The following INSIG2 variants were observed in gnomAD, a reference collection of about 807,000 sequenced individuals.
INSIG2 encodes insulin induced gene 2.
A neutral mutation model predicts 27.2 loss-of-function variants in INSIG2; 10 were observed. That is an observed-to-expected ratio of 0.37 (90% CI 0.23 to 0.62). The LOEUF (loss-of-function observed/expected upper bound fraction) is 0.62, where lower values mean the gene tolerates loss of function less well. Ranked by LOEUF, INSIG2 falls within the 20% of genes least tolerant of loss-of-function variation. The pLI is 0.65. For missense variants in INSIG2, 178 were observed against 270.2 expected (o/e 0.66, Z 2.39); for synonymous variants, 97 against 95.8 (o/e 1.01, Z -0.07).
rs1242930218 is a variant in INSIG2, at chr2:118,107,155, T to C, written c.602T>C (p.Ile201Thr). The C allele has an allele frequency of 2.5e-5, 40 of 1,613,390 alleles. No individual in the cohort carries two copies. The highest frequency in any genetic ancestry group is 3.3e-5 in the Non-Finnish European group (39 of 1,179,380). The change falls in exon 5 of 6, where the codon ATA becomes ACA. Residue 201 changes from isoleucine to threonine, a missense_variant. Physicochemically the swap from Ile to Thr is moderately conservative, Grantham distance 89. Coordinates refer to ENST00000245787, the MANE Select transcript of INSIG2 (RefSeq NM_016133.4). ...CCATGTATATTTTTTGCTGGAGGCA[T>C]AACAATGGGAAACATTGGTCGACAA... Reference protein sequence around the residue: ...WLPCIFFAGGITMGNIGRQLA... With the variant: ...WLPCIFFAGGTTMGNIGRQLA...
In INSIG2 at chr2:118,109,588, C is replaced by G. The variant is rs1239540786; in HGVS notation, c.*1266C>G. On this transcript the variant is annotated 3_prime_UTR_variant, in exon 6 of 6. Transcript: ENST00000245787. The stretch of plus-strand genomic sequence containing the variant: ...ACAAGGGCAAGATCTTCTGAGTACT[C>G]TGGGGTGTGAGTATGTGTGCACACG... The G allele has an allele frequency of 1.3e-5, 2 of 152,446 alleles. No homozygotes were observed. Among genetic ancestry groups the G allele is most frequent in the Non-Finnish European group, 2.9e-5 (2 of 68,000 alleles). The allele number at this position is 152,446 out of a possible 1,614,324, so 9.4% of individuals were successfully genotyped here. A position where few individuals can be genotyped will look rare whatever the true frequency, so the allele number is the denominator to read the frequency against.
At position 118,096,734 on chromosome 2, in the gene INSIG2, C is replaced by T. The variant is rs746239528; in HGVS notation, c.178C>T (p.Pro60Ser). The T allele has an allele frequency of 1.2e-6, 2 of 1,613,978 alleles. No individual in the cohort carries two copies. Among genetic ancestry groups the T allele is most frequent in the South Asian group, 2.2e-5 (2 of 91,070 alleles). ...TCAGAGAAATGTGACGCTCTTTCCA[C>T]CTGATGTGATTGCAAGCATCTTTTC... ...QIQRNVTLFPPDVIASIFSSA... is the reference protein window; with the variant it reads ...QIQRNVTLFPSDVIASIFSSA... Residue 60 changes from proline (P) to serine (S), a missense_variant, in exon 2 of 6, where the codon CCT becomes TCT. Pro to Ser is a moderately conservative substitution (Grantham distance 74, BLOSUM62 -1). Transcript: ENST00000245787.
intron 2 of INSIG2, among the ~76,000 whole-genome samples, chr2:118,101,090 A>T (rs991190655): frequency 2.6e-5 from 4 of 151,878 alleles, no homozygotes; most frequent in South Asian, 2.1e-4. Flanking sequence ...TGTTTTTTTT[A>T]AAAAAAAGTA....
Position 118,107,217 on chromosome 2 carries a change from A to G in INSIG2, c.636+28A>G, listed in dbSNP as rs774235019. ...AAGCTGATGCTCACTTTTCTGAATA[A>G]GATGTGGAACAAATGACAAGTTTTC... On this transcript the variant is annotated intron_variant, in intron 5 of 5. Coordinates refer to ENST00000245787, the MANE Select transcript of INSIG2 (RefSeq NM_016133.4). 7.4e-6 allele frequency: 11 copies of G among 1,482,174 alleles called. No homozygotes were observed. In the South Asian group the frequency reaches 1.3e-4, roughly 17 times the overall value. 91.8% of individuals were successfully genotyped at this position (1,482,174 alleles called of 1,614,324 possible).
At position 118,108,905 on chromosome 2, in the gene INSIG2, G is replaced by T. The variant is rs1024571150; in HGVS notation, c.*583G>T. The T allele has an allele frequency of 2.0e-5, 3 of 152,098 alleles. No individual in the cohort carries two copies. Among genetic ancestry groups the T allele is most frequent in the Non-Finnish European group, 4.4e-5 (3 of 68,006 alleles). The allele number at this position is 152,098 out of a possible 1,614,324, so 9.4% of individuals were successfully genotyped here. On this transcript the variant is annotated 3_prime_UTR_variant, in exon 6 of 6. Transcript: ENST00000245787. ...TAGAGTTTGGAGTGTTTTGATACAGGGTGAAAATGAACTTCTGGTTTCAAA... is the reference window on the plus strand; with the variant it reads ...TAGAGTTTGGAGTGTTTTGATACAGTGTGAAAATGAACTTCTGGTTTCAAA...
Position 118,108,329 on chromosome 2 carries a change from C to A in INSIG2, c.*7C>A. ...AAAATCTCATCAGGAATGAAGAAGG[C>A]AAAAAATATCTTTTGTACAGAAAAG... is the stretch of plus-strand genomic sequence containing the variant. On this transcript the variant is annotated 3_prime_UTR_variant, in exon 6 of 6. Transcript: ENST00000245787. 1 of 1,585,434 alleles carries A rather than the reference C, an allele frequency of 6.3e-7. No individual in the cohort carries two copies. The highest frequency in any genetic ancestry group is 1.4e-5 in the African/African-American group (1 of 73,624).
At chr2:118,106,010 G>A (rs1678663521) in intron 3 of INSIG2, among the ~76,000 whole-genome samples, 1 of 152,150 alleles carries the variant, frequency 6.6e-6, no homozygotes. Context: ...TTTGTGAATA[G>A]ATGCTTAAGT....
At chr2:118,103,399 C>A in intron 3 of INSIG2, 78 bp downstream of exon 3, 1 of 1,297,446 alleles carries the variant, frequency 7.7e-7, no homozygotes, top group Non-Finnish European at 1.1e-6. Context: ...CCCCTTACAA[C>A]TTCACTGTTG....
intron 1 of INSIG2, among the ~76,000 whole-genome samples, chr2:118,095,175 T>C (rs1046891938): frequency 3.9e-5 from 6 of 152,250 alleles, no homozygotes; most frequent in African/African-American, 1.4e-4. Flanking sequence ...GCTTTTGGAT[T>C]GAAGGAAATA....
At chr2:118,096,955 A>T (rs989234117) in intron 2 of INSIG2, among the ~76,000 whole-genome samples, 155 bp downstream of exon 2, 2 of 152,214 alleles carry the variant, frequency 1.3e-5, no homozygotes, top group African/African-American at 2.4e-5. Context: ...GAACAACTTG[A>T]TGTGTTTAGG....
At chr2:118,101,423 C>T (rs754336855) in intron 2 of INSIG2, among the ~76,000 whole-genome samples, 9 of 152,136 alleles carry the variant, frequency 5.9e-5, no homozygotes, top group Non-Finnish European at 8.8e-5. Flanking sequence ...AAAATATAGT[C>T]GATTTTACTT....
chr2:118,100,437 G>A (rs1678515108), intron 2 of INSIG2, among the ~76,000 whole-genome samples: 1 of 128,884 alleles, frequency 7.8e-6, no homozygotes, highest in Non-Finnish European at 1.6e-5. Context: ...GGAGTGCAGT[G>A]GCGCCATCTC....
chr2:118,103,069 CT>C lies in INSIG2; in HGVS notation c.245-118del, dbSNP rs1041928526. 5.5e-3 allele frequency: 4,268 copies of C among 779,992 alleles called. 1 individual carries two copies. Among genetic ancestry groups the C allele is most frequent in the Non-Finnish European group, 6.4e-3 (3,422 of 532,164 alleles). 48.3% of individuals were successfully genotyped at this position (779,992 alleles called of 1,614,324 possible). A position where few individuals can be genotyped will look rare whatever the true frequency, so the allele number is the denominator to read the frequency against. ...AATATCGGTGATTGATGTGAAATAA[CT>C]TTTTTTTTTGTTTTTTTTTTTTTAA... On this transcript the variant is annotated intron_variant, in intron 2 of 5. Coordinates refer to ENST00000245787, the MANE Select transcript of INSIG2 (RefSeq NM_016133.4).
intron 2 of INSIG2, 83 bp from the exon 3 acceptor site, chr2:118,103,114 T>G: frequency 3.8e-6 from 4 of 1,052,160 alleles, no homozygotes; most frequent in Admixed American, 2.6e-5. Context: ...AAAATGCTTG[T>G]GGTGGTTGTA....
intron 1 of INSIG2, among the ~76,000 whole-genome samples, chr2:118,094,176 T>G (rs1308947895): frequency 6.9e-6 from 1 of 143,970 alleles, no homozygotes; most frequent in African/African-American, 2.7e-5. Flanking sequence ...ATGATGATGA[T>G]GATGAGGAGG....
chr2:118,088,936 T>G (rs1420068920), intron 1 of INSIG2, among the ~76,000 whole-genome samples: 1 of 152,148 alleles, frequency 6.6e-6, no homozygotes, highest in East Asian at 1.9e-4. Flanking sequence ...GAGAGAAGAC[T>G]CAGACTTGGG....
chr2:118,103,808 T>C (rs542103737), intron 3 of INSIG2, among the ~76,000 whole-genome samples: 128 of 152,206 alleles, frequency 8.4e-4, no homozygotes, highest in African/African-American at 2.9e-3. Context: ...ACGGCATAAG[T>C]AGAAATACCA....
At chr2:118,098,567 C>T (rs1411990876) in intron 2 of INSIG2, among the ~76,000 whole-genome samples, 1 of 152,120 alleles carries the variant, frequency 6.6e-6, no homozygotes, top group African/African-American at 2.4e-5. Context: ...AGACTGGGTG[C>T]CAGACCTAGA....
chr2:118,103,147 T>C, intron 2 of INSIG2, 50 bp from the exon 3 acceptor site: 1 of 1,562,702 alleles, frequency 6.4e-7, no homozygotes. Flanking sequence ...GCTTAAGTGT[T>C]GCCAGTACAA....
Sources: gnomAD v4.1 joint callset for allele counts (sites outside exome capture counted in the v4.1 genomes callset) on GRCh38, gnomAD v4.1.1 for gene constraint, MANE v1.5 for transcripts, NCBI Gene and HGNC (gene_info 2026-07-23, HGNC 2026-07-21) for gene names.